RGS6: variants seen among roughly 807,000 people sequenced by gnomAD.
RGS6 encodes regulator of G-protein signaling 6.
Under a neutral mutation model 78.5 loss-of-function variants are expected in RGS6, and 30 were observed. That is an observed-to-expected ratio of 0.38 (90% CI 0.29 to 0.52). RGS6 has a LOEUF of 0.52. RGS6 is among the 20% of genes least tolerant of loss of function. The pLI is 0.85. For synonymous variants in RGS6, 206 were observed against 206.0 expected (o/e 1.00, Z 0.00); for missense variants, 495 against 609.7 (o/e 0.81, Z 1.98).
At chr14:71,944,793 T>G (rs2091238571) in intron 1 of RGS6, among the ~76,000 whole-genome samples, 1 of 152,138 alleles carries the variant, frequency 6.6e-6, no homozygotes, top group Non-Finnish European at 1.5e-5. Context: ...AAATGTATCA[T>G]TAGGTGATTT....
chr14:71,990,757 C>T (rs757150531), intron 2 of RGS6: 2 of 456,048 alleles, frequency 4.4e-6, no homozygotes, highest in South Asian at 3.1e-5. Flanking sequence ...GCTATCCTCT[C>T]TCCAAACTCC....
chr14:72,044,945 C>A (rs1410576143), intron 2 of RGS6, among the ~76,000 whole-genome samples: 1 of 152,192 alleles, frequency 6.6e-6, no homozygotes, highest in Non-Finnish European at 1.5e-5. Context: ...GATTCTGGGT[C>A]TTGTATCTGC....
intron 2 of RGS6, among the ~76,000 whole-genome samples, chr14:72,334,016 G>A (rs570169176): frequency 1.8e-4 from 27 of 152,286 alleles, no homozygotes; most frequent in Non-Finnish European, 2.8e-4. Context: ...CCACAAATGC[G>A]GATTGTGCCG....
In RGS6 at chr14:72,324,126, G is replaced by A. The variant is rs2073016486; in HGVS notation, c.85-27969G>A. ...CACCCTGTTGTGCTATCAAATACTA[G>A]ATATTATTCATTTATATCTCTATAT... is the stretch of plus-strand genomic sequence containing the variant. On this transcript the variant is annotated intron_variant, in intron 2 of 17. Coordinates refer to ENST00000553525, the MANE Select transcript of RGS6 (RefSeq NM_001204424.2). Among the ~76,000 whole-genome samples, 2 of 151,854 alleles carry A rather than the reference G, an allele frequency of 1.3e-5. 1 individual carries two copies. Among genetic ancestry groups the A allele is most frequent in the South Asian group, 4.1e-4 (2 of 4,828 alleles).
At position 72,563,243 on chromosome 14, in the gene RGS6, C is replaced by A. The variant is rs1487667410; in HGVS notation, c.*776C>A. 3 of 160,850 alleles carry A rather than the reference C, an allele frequency of 1.9e-5. No individual in the cohort carries two copies. Among genetic ancestry groups the A allele is most frequent in the Non-Finnish European group, 2.7e-5 (2 of 72,896 alleles). 10.0% of individuals were successfully genotyped at this position (160,850 alleles called of 1,614,324 possible). ...TCACAGCTGCGGGGATTCTGCTGAC[C>A]ATCTTTTAGAAAATTATTTCATAAT... is the stretch of plus-strand genomic sequence containing the variant. On this transcript the variant is annotated 3_prime_UTR_variant, in exon 18 of 18. Transcript: ENST00000553525.
At chr14:72,085,795 A>C (rs1380977283) in intron 2 of RGS6, among the ~76,000 whole-genome samples, 2 of 138,024 alleles carry the variant, frequency 1.4e-5, no homozygotes, top group African/African-American at 5.4e-5. Context: ...CGGAGGCTGC[A>C]GTGAGCCCAG....
chr14:72,183,429 A>T (rs1567405186), intron 2 of RGS6, among the ~76,000 whole-genome samples: 1 of 152,182 alleles, frequency 6.6e-6, no homozygotes, highest in South Asian at 2.1e-4. Flanking sequence ...TAGTACTTAT[A>T]TTGTAGGTCT....
chr14:72,484,075 C>T (rs778227703), intron 12 of RGS6, among the ~76,000 whole-genome samples: 14 of 152,198 alleles, frequency 9.2e-5, no homozygotes, highest in Non-Finnish European at 1.9e-4. Flanking sequence ...TCAGATCCTT[C>T]CTGTCCTGGT....
chr14:72,304,275 C>T (rs1191720314), intron 2 of RGS6, among the ~76,000 whole-genome samples: 1 of 152,174 alleles, frequency 6.6e-6, no homozygotes, highest in African/African-American at 2.4e-5. Flanking sequence ...CTGACCTTCT[C>T]ATATTATTTA....
the RGS6 span, among the ~76,000 whole-genome samples, chr14:72,598,705 C>T: frequency 6.6e-6 from 1 of 152,230 alleles, no homozygotes; most frequent in African/African-American, 2.4e-5. Flanking sequence ...AAAGCTCTGG[C>T]AGGAGCAGGC....
At chr14:72,152,868 G>T (rs1197766286) in intron 2 of RGS6, among the ~76,000 whole-genome samples, 1 of 152,122 alleles carries the variant, frequency 6.6e-6, no homozygotes, top group East Asian at 1.9e-4. Flanking sequence ...ACTTTGAAGG[G>T]TGAGAAAAAT....
chr14:72,464,867 T>A (rs2095862676), intron 6 of RGS6: 1 of 152,232 alleles, frequency 6.6e-6, no homozygotes, highest in Non-Finnish European at 1.5e-5. Context: ...CAGGCTATGG[T>A]GCTAGCAACA....
intron 2 of RGS6, among the ~76,000 whole-genome samples, chr14:72,287,325 G>C (rs2062753788): frequency 6.6e-6 from 1 of 152,134 alleles, no homozygotes; most frequent in African/African-American, 2.4e-5. Context: ...GCTCGGATTA[G>C]GACTTTCAGT....
At chr14:72,061,591 A>G (rs991572421) in intron 2 of RGS6, among the ~76,000 whole-genome samples, 1 of 151,630 alleles carries the variant, frequency 6.6e-6, no homozygotes, top group Non-Finnish European at 1.5e-5. Context: ...TTTCCTTGAC[A>G]CTTTCAGATC....
chr14:72,224,646 G>GTTTTTTTTTTTTTTT (rs1187249261), intron 2 of RGS6, among the ~76,000 whole-genome samples: 2 of 152,164 alleles, frequency 1.3e-5, no homozygotes, highest in Non-Finnish European at 2.9e-5. Flanking sequence ...TAACTCATAA[G>GTTTTTTTTTTTTTTT]TTTTTTTAGG....
At chr14:72,305,103 A>T (rs987063227) in intron 2 of RGS6, among the ~76,000 whole-genome samples, 1 of 152,134 alleles carries the variant, frequency 6.6e-6, no homozygotes, top group Non-Finnish European at 1.5e-5. Context: ...GTGTCTTTTC[A>T]TATGCTTACA....
chr14:71,980,950 T>G, intron 2 of RGS6, among the ~76,000 whole-genome samples: 1 of 110,510 alleles, frequency 9.0e-6, no homozygotes, highest in African/African-American at 3.3e-5. Flanking sequence ...TCTTGGAGGC[T>G]TTGCTCATTT....
chr14:72,489,725 A>C (rs1364655915), intron 12 of RGS6, among the ~76,000 whole-genome samples: 1 of 151,110 alleles, frequency 6.6e-6, no homozygotes, highest in African/African-American at 2.4e-5. Context: ...AAAGGAAAGG[A>C]GAGGCAAGGC....
At chr14:72,572,334 A>C in the RGS6 span, among the ~76,000 whole-genome samples, 292 of 152,358 alleles carry the variant, frequency 1.9e-3, 2 homozygotes, top group African/African-American at 6.1e-3. Context: ...CCATACAAAA[A>C]TTTGAACACA....
Sources: allele counts gnomAD v4.1 joint callset (sites outside exome capture counted in the v4.1 genomes callset), GRCh38; gene constraint gnomAD v4.1.1; transcripts MANE v1.5; gene names NCBI Gene and HGNC (gene_info 2026-07-23, HGNC 2026-07-21).